Variants in GADL1 observed in about 807,000 individuals in gnomAD.
The protein encoded by GADL1 is acidic amino acid decarboxylase GADL1.
Under a neutral mutation model 69.5 loss-of-function variants are expected in GADL1, and 71 were observed. That is an observed-to-expected ratio of 1.02 (90% CI 0.84 to 1.25). The LOEUF (loss-of-function observed/expected upper bound fraction) is 1.25, where lower values mean the gene tolerates loss of function less well. GADL1 is among the 50% of genes most tolerant of loss of function. The pLI, the probability that GADL1 is intolerant of heterozygous loss-of-function variation, is 0.00. For missense variants in GADL1, 737 were observed against 631.8 expected (o/e 1.17, Z -1.79); for synonymous variants, 254 against 214.4 (o/e 1.18, Z -1.62).
At chr3:30,747,887 A>G (rs1354661814) in intron 14 of GADL1, among the ~76,000 whole-genome samples, 1 of 152,188 alleles carries the variant, frequency 6.6e-6, no homozygotes, top group African/African-American at 2.4e-5. Context: ...CCTGATTCAC[A>G]GCACCAGCTA....
chr3:30,820,619 C>A (rs542605434), intron 11 of GADL1, among the ~76,000 whole-genome samples: 11 of 152,038 alleles, frequency 7.2e-5, no homozygotes, highest in Admixed American at 3.3e-4. Context: ...ATGCAGGATC[C>A]TCTATTAGAA....
At chr3:30,878,264 G>A (rs114910518) in intron 1 of GADL1, among the ~76,000 whole-genome samples, 2,915 of 151,846 alleles carry the variant, frequency 0.019, 43 homozygotes, top group Non-Finnish European at 0.028. Flanking sequence ...TCTTATTTAC[G>A]TAACTAACAA....
chr3:30,741,607 A>G (rs1695627358), intron 14 of GADL1, among the ~76,000 whole-genome samples: 1 of 152,160 alleles, frequency 6.6e-6, no homozygotes, highest in Non-Finnish European at 1.5e-5. Context: ...CTACCAACTT[A>G]GTCTCCTAGA....
At chr3:30,805,566 T>C (rs541050018) in intron 11 of GADL1, among the ~76,000 whole-genome samples, 1 of 152,258 alleles carries the variant, frequency 6.6e-6, no homozygotes, top group Non-Finnish European at 1.5e-5. Context: ...ATGGAAAATA[T>C]TCACTCATTA....
At chr3:30,864,356 C>T (rs780309349) in intron 1 of GADL1, among the ~76,000 whole-genome samples, 4 of 151,670 alleles carry the variant, frequency 2.6e-5, no homozygotes, top group Non-Finnish European at 5.9e-5. Flanking sequence ...CTTTCTCTCA[C>T]CCCGTTCCGT....
At position 30,862,830 on chromosome 3, in the gene GADL1, G is replaced by A. The variant is rs138798783; in HGVS notation, c.38-1065C>T. 1.5e-3 allele frequency among the ~76,000 whole-genome samples: 229 copies of A among 152,028 alleles called. 1 individual carries two copies. Among genetic ancestry groups the A allele is most frequent in the African/African-American group, 5.3e-3 (221 of 41,518 alleles). Reference sequence around the variant, plus strand: ...CCTCTTCCTTTAGGTGCGTGTAGCTGTTGGCCAATTTCTCTATGAACTAGA... The same window carrying A: ...CCTCTTCCTTTAGGTGCGTGTAGCTATTGGCCAATTTCTCTATGAACTAGA... On this transcript the variant is annotated intron_variant, in intron 1 of 14. Transcript: ENST00000282538.
intron 11 of GADL1, among the ~76,000 whole-genome samples, chr3:30,826,697 G>A (rs1387789779): frequency 6.6e-6 from 1 of 151,160 alleles, no homozygotes; most frequent in Non-Finnish European, 1.5e-5. Flanking sequence ...TCATTAGAAG[G>A]GGTCAAGAGA....
chr3:30,806,360 C>T (rs1159841325), intron 11 of GADL1, among the ~76,000 whole-genome samples: 1 of 152,146 alleles, frequency 6.6e-6, no homozygotes, highest in Non-Finnish European at 1.5e-5. Flanking sequence ...TGCTAAGTGT[C>T]TGGGTTAATA....
chr3:30,838,870 C>T, intron 9 of GADL1, 127 bp downstream of exon 9: 1 of 581,772 alleles, frequency 1.7e-6, no homozygotes, highest in Non-Finnish European at 3.1e-6. Context: ...TACTTATTTC[C>T]CCCAATTTGA....
At chr3:30,752,278 A>C (rs1389692724) in intron 14 of GADL1, among the ~76,000 whole-genome samples, 1 of 152,144 alleles carries the variant, frequency 6.6e-6, no homozygotes, top group African/African-American at 2.4e-5. Context: ...ACAGGCTGGC[A>C]CGAAACACAG....
chr3:30,804,944 A>G (rs1180787795), intron 11 of GADL1, among the ~76,000 whole-genome samples: 1 of 152,230 alleles, frequency 6.6e-6, no homozygotes, highest in Non-Finnish European at 1.5e-5. Context: ...GGCTTTTAGG[A>G]GTCTGGACCT....
At chr3:30,845,276 A>G (rs1038945745) in intron 6 of GADL1, among the ~76,000 whole-genome samples, 5 of 152,188 alleles carry the variant, frequency 3.3e-5, no homozygotes, top group Admixed American at 6.5e-5. Flanking sequence ...GGCCTTCTCT[A>G]TACTACATGA....
intron 14 of GADL1, among the ~76,000 whole-genome samples, chr3:30,777,571 A>G (rs1269307633): frequency 2.0e-5 from 3 of 152,238 alleles, no homozygotes; most frequent in Non-Finnish European, 2.9e-5. Context: ...TGGCAGGGCC[A>G]TGCTAGGCGA....
rs1696681586 is a variant in GADL1 at position 30,782,254 on chromosome 3, G to GCT, written c.1303-3987_1303-3986insAG. On this transcript the variant is annotated intron_variant, in intron 13 of 14. Coordinates refer to ENST00000282538, the MANE Select transcript of GADL1 (RefSeq NM_207359.3). ...TCTTTGAAAAGCTGCTCTAGCAGCA[G>GCT]TGTGGCAGTTAGGCTGGAGGGATCT... Among the ~76,000 whole-genome samples, 4 of 152,314 alleles carry GCT rather than the reference G, an allele frequency of 2.6e-5. No homozygotes were observed. In the South Asian group the frequency reaches 8.3e-4, roughly 32 times the overall value.
At chr3:30,762,566 C>A (rs1429913964) in intron 14 of GADL1, among the ~76,000 whole-genome samples, 2 of 152,100 alleles carry the variant, frequency 1.3e-5, no homozygotes, top group Non-Finnish European at 2.9e-5. Flanking sequence ...GAAATAAGCA[C>A]ATCATGAAAA....
chr3:30,732,250 C>T (rs1250737522), intron 14 of GADL1, among the ~76,000 whole-genome samples: 2 of 152,128 alleles, frequency 1.3e-5, no homozygotes, highest in African/African-American at 4.8e-5. Flanking sequence ...TATCCAGATA[C>T]CACCCCTAAA....
intron 11 of GADL1, among the ~76,000 whole-genome samples, chr3:30,802,789 C>T (rs766689769): frequency 4.0e-4 from 61 of 152,146 alleles, no homozygotes; most frequent in Non-Finnish European, 2.8e-4. Flanking sequence ...CATCCAGTAT[C>T]CACAATAAAC....
chr3:30,775,055 C>A (rs531147255), intron 14 of GADL1, among the ~76,000 whole-genome samples: 88 of 152,200 alleles, frequency 5.8e-4, no homozygotes, highest in African/African-American at 2.0e-3. Flanking sequence ...TTACGGAGGG[C>A]GTCTTGAAAA....
At chr3:30,760,106 T>C (rs2125484484) in intron 14 of GADL1, among the ~76,000 whole-genome samples, 1 of 152,374 alleles carries the variant, frequency 6.6e-6, no homozygotes, top group East Asian at 1.9e-4. Context: ...CAATAAGTCA[T>C]GTTTCTAGAG....
Sources: allele counts gnomAD v4.1 joint callset (sites outside exome capture counted in the v4.1 genomes callset), GRCh38; gene constraint gnomAD v4.1.1; transcripts MANE v1.5; gene names NCBI Gene and HGNC (gene_info 2026-07-23, HGNC 2026-07-21).